The following TRMT11 variants were observed in gnomAD, a reference collection of about 807,000 sequenced individuals.
TRMT11 encodes tRNA methyltransferase 11.
Under a neutral mutation model 62.8 loss-of-function variants are expected in TRMT11, and 53 were observed. The ratio of observed to expected loss-of-function variants is 0.84; its 90% CI spans 0.68 to 1.06. TRMT11 has a LOEUF of 1.06. TRMT11 is among the 50% of genes least tolerant of loss of function. The pLI is 0.00. For synonymous variants in TRMT11, 188 were observed against 190.3 expected (o/e 0.99, Z 0.10); for missense variants, 556 against 553.4 (o/e 1.00, Z -0.05).
chr6:126,073,848 A>G (rs936920583), intron 17 of TRMT11, among the ~76,000 whole-genome samples: 2 of 152,208 alleles, frequency 1.3e-5, no homozygotes, highest in African/African-American at 4.8e-5. Context: ...ACAGTTCAGC[A>G]TGGCTGGGGA....
intron 21 of TRMT11, among the ~76,000 whole-genome samples, chr6:126,165,415 A>G (rs1190647365): frequency 6.6e-6 from 1 of 152,118 alleles, no homozygotes; most frequent in African/African-American, 2.4e-5. Flanking sequence ...GCAGTGGCTG[A>G]TAATGGTTTT....
chr6:126,072,260 G>A (rs531090318), intron 17 of TRMT11, among the ~76,000 whole-genome samples: 2 of 152,254 alleles, frequency 1.3e-5, no homozygotes, highest in East Asian at 3.9e-4. Flanking sequence ...TTGAACTAAT[G>A]CTGCCCTTTA....
At chr6:126,083,307 TC>T (rs770318729) in intron 17 of TRMT11, among the ~76,000 whole-genome samples, 2 of 152,132 alleles carry the variant, frequency 1.3e-5, no homozygotes, top group Non-Finnish European at 2.9e-5. Flanking sequence ...ACTGTTCATT[TC>T]CCTGACCCCA....
intron 3 of TRMT11, among the ~76,000 whole-genome samples, chr6:125,997,458 C>T (rs551679543): frequency 1.1e-4 from 16 of 152,346 alleles, no homozygotes; most frequent in African/African-American, 3.6e-4. Flanking sequence ...CCTTATTAGA[C>T]CTCAACATTT....
At chr6:126,120,790 A>C (rs949559546) in intron 21 of TRMT11, among the ~76,000 whole-genome samples, 1 of 152,128 alleles carries the variant, frequency 6.6e-6, no homozygotes, top group African/African-American at 2.4e-5. Flanking sequence ...TGCCAGAAGC[A>C]AAGGAAGCCT....
intron 17 of TRMT11, among the ~76,000 whole-genome samples, chr6:126,104,903 T>C (rs1233192574): frequency 2.6e-5 from 4 of 152,212 alleles, no homozygotes; most frequent in African/African-American, 9.6e-5. Context: ...TCAGATATGC[T>C]TTTCTGCATA....
the TRMT11 span, among the ~76,000 whole-genome samples, chr6:126,256,517 G>A: frequency 6.6e-6 from 1 of 152,138 alleles, no homozygotes; most frequent in East Asian, 1.9e-4. Flanking sequence ...GTTTCTTCAA[G>A]TACAGCTCTT....
chr6:126,228,206 A>G, the TRMT11 span, among the ~76,000 whole-genome samples: 1 of 152,176 alleles, frequency 6.6e-6, no homozygotes, highest in East Asian at 1.9e-4. Flanking sequence ...TGGGATTTTC[A>G]CTAAGTGGTC....
At chr6:126,030,166 G>A (rs925524778) in intron 12 of TRMT11, among the ~76,000 whole-genome samples, 1 of 152,098 alleles carries the variant, frequency 6.6e-6, no homozygotes, top group Non-Finnish European at 1.5e-5. Context: ...CTTTTGACCT[G>A]CTTGTCCTTG....
chr6:126,191,793 A>G (rs1251194611), intron 1 of TRMT11, among the ~76,000 whole-genome samples: 2 of 151,930 alleles, frequency 1.3e-5, no homozygotes, highest in African/African-American at 4.8e-5. Context: ...AATCTGTTCC[A>G]TTGTTTTATG....
chr6:126,213,395 A>T, the TRMT11 span, among the ~76,000 whole-genome samples: 2 of 152,140 alleles, frequency 1.3e-5, no homozygotes, highest in East Asian at 3.9e-4. Context: ...GTTTCTTCTA[A>T]TCCAAGAACA....
At chr6:126,209,564 C>G in the TRMT11 span, among the ~76,000 whole-genome samples, 1 of 138,142 alleles carries the variant, frequency 7.2e-6, no homozygotes, top group African/African-American at 2.6e-5. Context: ...ACTAAAAATA[C>G]AAAAAAAAAA....
chr6:126,052,940 G>C (rs1338217398), intron 16 of TRMT11, among the ~76,000 whole-genome samples: 2 of 152,174 alleles, frequency 1.3e-5, no homozygotes, highest in African/African-American at 2.4e-5. Context: ...AGAAGGGCAG[G>C]ACTGGTGCTG....
At chr6:126,030,879 G>A (rs1774072676) in intron 12 of TRMT11, among the ~76,000 whole-genome samples, 1 of 152,154 alleles carries the variant, frequency 6.6e-6, no homozygotes, top group Admixed American at 6.6e-5. Flanking sequence ...TTTATAAATT[G>A]ATGACCATTG....
intron 1 of TRMT11, among the ~76,000 whole-genome samples, chr6:126,179,740 G>A (rs1193109089): frequency 6.6e-6 from 1 of 152,174 alleles, no homozygotes; most frequent in Non-Finnish European, 1.5e-5. Flanking sequence ...AAATGAGAGT[G>A]AAGTATATAC....
At chr6:126,140,928 C>A (rs543415955) in intron 21 of TRMT11, among the ~76,000 whole-genome samples, 2 of 151,934 alleles carry the variant, frequency 1.3e-5, no homozygotes, top group African/African-American at 4.8e-5. Context: ...AAAAATGCTT[C>A]GAATTTTCTT....
intron 17 of TRMT11, among the ~76,000 whole-genome samples, chr6:126,090,738 G>A (rs550820084): frequency 1.1e-4 from 17 of 152,234 alleles, no homozygotes; most frequent in African/African-American, 3.9e-4. Flanking sequence ...TTCATTTGCG[G>A]CATTTCCATG....
chr6:126,207,056 C>T (rs1427659231), downstream of TRMT11, among the ~76,000 whole-genome samples: 1 of 152,056 alleles, frequency 6.6e-6, no homozygotes, highest in Non-Finnish European at 1.5e-5. Context: ...ATTATTTGTC[C>T]AGTATAGTTC....
chr6:126,236,566 A>G, the TRMT11 span, among the ~76,000 whole-genome samples: 5 of 152,210 alleles, frequency 3.3e-5, no homozygotes, highest in African/African-American at 1.2e-4. Flanking sequence ...TAGATTATTA[A>G]AAACAGATGC....
Sources: allele counts gnomAD v4.1 joint callset (sites outside exome capture counted in the v4.1 genomes callset), GRCh38; gene constraint gnomAD v4.1.1; transcripts MANE v1.5; gene names NCBI Gene and HGNC (gene_info 2026-07-23, HGNC 2026-07-21).